The following FBXW11 variants were observed in gnomAD, a reference collection of about 807,000 sequenced individuals.
FBXW11 encodes F-box/WD repeat-containing protein 11.
In FBXW11, 19 loss-of-function variants were observed where a neutral mutation model predicts 77.6. That is an observed-to-expected ratio of 0.24 (90% CI 0.17 to 0.36). FBXW11 has a LOEUF of 0.36. Among genes scored for constraint, FBXW11 ranks in the 10% least tolerant of loss-of-function variants. The pLI is 1.00. For synonymous variants in FBXW11, 235 were observed against 249.4 expected (o/e 0.94, Z 0.54); for missense variants, 334 against 704.2 (o/e 0.47, Z 5.95).
intron 2 of FBXW11, among the ~76,000 whole-genome samples, chr5:171,956,227 T>C (rs927884674): frequency 6.6e-6 from 1 of 152,224 alleles, no homozygotes; most frequent in African/African-American, 2.4e-5. Flanking sequence ...ATATCCATTA[T>C]ACAGCATCAA....
intron 1 of FBXW11, among the ~76,000 whole-genome samples, chr5:171,989,743 T>C (rs1246777058): frequency 6.6e-6 from 1 of 152,236 alleles, no homozygotes; most frequent in African/African-American, 2.4e-5. Context: ...TTTGTCGGTT[T>C]GTTTGTTTTA....
chr5:172,000,097 C>A (rs1225112061), intron 1 of FBXW11, among the ~76,000 whole-genome samples: 1 of 152,154 alleles, frequency 6.6e-6, no homozygotes, highest in Non-Finnish European at 1.5e-5. Flanking sequence ...CAGAAACTAA[C>A]CAAGGGTAAC....
intron 6 of FBXW11, among the ~76,000 whole-genome samples, chr5:171,893,401 A>T (rs2113852035): frequency 7.3e-6 from 1 of 136,472 alleles, no homozygotes; most frequent in African/African-American, 2.6e-5. Flanking sequence ...TATTAGACAT[A>T]CAAAAGCACA....
At chr5:171,903,152 A>G in intron 4 of FBXW11, among the ~76,000 whole-genome samples, 1 of 152,208 alleles carries the variant, frequency 6.6e-6, no homozygotes. Context: ...GTTGGAGTAC[A>G]GTGGCACAAT....
chr5:171,977,131 G>C (rs1764875214), intron 1 of FBXW11, among the ~76,000 whole-genome samples: 1 of 151,808 alleles, frequency 6.6e-6, no homozygotes, highest in African/African-American at 2.4e-5. Context: ...CTTGAGCCCA[G>C]GAGTTTAAGA....
intron 1 of FBXW11, among the ~76,000 whole-genome samples, chr5:171,987,748 C>T (rs1307201693): frequency 6.6e-6 from 1 of 152,030 alleles, no homozygotes; most frequent in Non-Finnish European, 1.5e-5. Flanking sequence ...CTACCGCGCC[C>T]GGCCAAGGGT....
rs1454771993 is a variant in FBXW11, at chr5:171,982,291, CAG to C, written c.45+24165_45+24166del. ...TATTTATTTATTTATTTTTTTGAGA[CAG>C]AGTTTTGCTCTTGTTGCCCAGGCTA... is the stretch of plus-strand genomic sequence containing the variant. On this transcript the variant is annotated intron_variant, in intron 1 of 13. Transcript: ENST00000517395. 7.2e-5 allele frequency among the ~76,000 whole-genome samples: 11 copies of C among 151,870 alleles called. 1 individual carries two copies. The highest frequency in any genetic ancestry group is 6.8e-3 in the Middle Eastern group (2 of 292).
intron 2 of FBXW11, among the ~76,000 whole-genome samples, chr5:171,932,852 G>A (rs1379495970): frequency 6.6e-6 from 1 of 150,796 alleles, no homozygotes. Flanking sequence ...AGGCACAGTG[G>A]CTCATGCATG....
intron 3 of FBXW11, among the ~76,000 whole-genome samples, 161 bp from the exon 4 acceptor site, chr5:171,910,958 G>A (rs1760845988): frequency 1.3e-5 from 2 of 152,272 alleles, no homozygotes; most frequent in East Asian, 1.9e-4. Flanking sequence ...AATTAAAAAT[G>A]TATTCAGGGT....
At chr5:171,985,181 C>T (rs1004688146) in intron 1 of FBXW11, among the ~76,000 whole-genome samples, 30 of 152,112 alleles carry the variant, frequency 2.0e-4, no homozygotes, top group African/African-American at 7.2e-4. Flanking sequence ...TGAATCAGTC[C>T]CCCTGCTCCA....
intron 2 of FBXW11, among the ~76,000 whole-genome samples, chr5:171,944,348 G>A (rs1436523891): frequency 6.6e-6 from 1 of 151,922 alleles, no homozygotes; most frequent in South Asian, 2.1e-4. Flanking sequence ...GGCCAAGGCA[G>A]GTGGATCACG....
rs1341956967 is a variant in FBXW11, at chr5:171,904,572, G to T, written c.437-4472C>A. Among the ~76,000 whole-genome samples, 7 of 151,870 alleles carry T rather than the reference G, an allele frequency of 4.6e-5. No homozygotes were observed. Among genetic ancestry groups the T allele is most frequent in the African/African-American group, 7.3e-5 (3 of 41,354 alleles). On this transcript the variant is annotated intron_variant, in intron 4 of 13. Transcript: ENST00000517395. This position sits in a 1 kb window ranked among gnomAD's most constrained non-coding sequence, Gnocchi z 4.0. ...CCAGGAATCTGGGTGTGGTTTTTTTGTTGTTGTTGTTGTTTTTGGAAACAG... is the reference window on the plus strand; with the variant it reads ...CCAGGAATCTGGGTGTGGTTTTTTTTTTGTTGTTGTTGTTTTTGGAAACAG...
chr5:171,872,980 G>A lies in FBXW11; in HGVS notation c.1232C>T (p.Thr411Met). Residue 411 changes from threonine (T) to methionine (M), a missense_variant, in exon 10 of 14, where the codon ACG becomes ATG. This residue lies in a region of FBXW11 where 50 missense variants were observed against 119.6 expected (regional missense o/e 0.42). Coordinates refer to ENST00000517395, the MANE Select transcript of FBXW11 (RefSeq NM_001378974.1). The stretch of plus-strand genomic sequence containing the variant: ...AGTACGAACAAATTCACAGGTGCTC[G>A]TGCTCCAGACCTGTATAACAAATTA... ...SGDRTIKVWS[T>M]STCEFVRTLN... 2 of 1,613,288 alleles carry A rather than the reference G, an allele frequency of 1.2e-6. No individual in the cohort carries two copies. Among genetic ancestry groups the A allele is most frequent in the Non-Finnish European group, 8.5e-7 (1 of 1,179,466 alleles).
At chr5:171,873,105 T>C (rs546018825) in intron 9 of FBXW11, 115 bp from the exon 10 acceptor site, 1 of 841,964 alleles carries the variant, frequency 1.2e-6, no homozygotes, top group African/African-American at 1.7e-5. Flanking sequence ...GATTATAAAA[T>C]ACGGTGTCCT....
chr5:171,997,661 A>G (rs1766142499), intron 1 of FBXW11, among the ~76,000 whole-genome samples: 1 of 152,222 alleles, frequency 6.6e-6, no homozygotes, highest in South Asian at 2.1e-4. Context: ...ATGATCACGT[A>G]AACTGGGAAA....
intron 7 of FBXW11, among the ~76,000 whole-genome samples, chr5:171,890,914 G>A (rs925845632): frequency 6.6e-6 from 1 of 152,102 alleles, no homozygotes. Flanking sequence ...TTCCCTGTTT[G>A]TAAGTTATAA....
At chr5:171,934,855 A>T (rs1184909825) in intron 2 of FBXW11, among the ~76,000 whole-genome samples, 1 of 152,154 alleles carries the variant, frequency 6.6e-6, no homozygotes, top group Non-Finnish European at 1.5e-5. Context: ...GAAAAAAATA[A>T]AATAAAAATA....
chr5:171,946,729 T>C (rs2113221726), intron 2 of FBXW11, among the ~76,000 whole-genome samples: 1 of 151,570 alleles, frequency 6.6e-6, no homozygotes, highest in South Asian at 2.1e-4. Context: ...ACTGAAGCCC[T>C]TCCCAAATCT....
chr5:171,942,317 C>T (rs1762793837), intron 2 of FBXW11, among the ~76,000 whole-genome samples: 1 of 151,574 alleles, frequency 6.6e-6, no homozygotes, highest in Admixed American at 6.6e-5. Context: ...CAGAATGATG[C>T]ATTGCCTTTA....
Sources: allele counts gnomAD v4.1 joint callset (sites outside exome capture counted in the v4.1 genomes callset), GRCh38; gene constraint gnomAD v4.1.1; regional missense constraint gnomAD v4.1.1; non-coding constraint Gnocchi (gnomAD v3.1); transcripts MANE v1.5; gene names NCBI Gene and HGNC (gene_info 2026-07-23, HGNC 2026-07-21).